The following FAT2 variants were observed in gnomAD, a reference collection of about 807,000 sequenced individuals.
FAT2 encodes the protein FAT atypical cadherin 2.
Under a neutral mutation model 295.3 loss-of-function variants are expected in FAT2, and 150 were observed. The observed-to-expected ratio is 0.51, with a 90% confidence interval of 0.44 to 0.58. The LOEUF (loss-of-function observed/expected upper bound fraction) is 0.58. Among genes scored for constraint, FAT2 ranks in the 20% least tolerant of loss-of-function variants. FAT2 has a pLI of 0.00. For synonymous variants in FAT2, 2,026 were observed against 2,150.3 expected (o/e 0.94, Z 1.60); for missense variants, 4,868 against 5,442.7 (o/e 0.89, Z 3.32).
rs755283867 is a variant in FAT2, at chr5:151,563,496, G to A, written c.3403C>T (p.Pro1135Ser). 6.2e-7 allele frequency: 1 copy of A among 1,614,192 alleles called. No individual in the cohort carries two copies. Among genetic ancestry groups the A allele is most frequent in the South Asian group, 1.1e-5 (1 of 91,078 alleles). The change falls in exon 3 of 24, where the codon CCC (proline) becomes TCC (serine). Residue 1135 changes from proline (P) to serine (S), a missense_variant. Pro to Ser is a moderately conservative substitution (Grantham distance 74). Around this residue, in one of 5 missense-constraint regions of FAT2, gnomAD observed 3,297 missense variants for 3,669.4 expected, o/e 0.90. Transcript: ENST00000261800. ...TAGAACACAGCTTGGGACATCTGGG[G>A]TGGGTTGTCATTGGCATCCGTAACC... is the stretch of plus-strand genomic sequence containing the variant. ...IEVTDANDNP[P>S]QMSQAVFYPS...
intron 20 of FAT2, among the ~76,000 whole-genome samples, chr5:151,515,676 C>G (rs1227018032): frequency 6.6e-6 from 1 of 152,168 alleles, no homozygotes; most frequent in African/African-American, 2.4e-5. Flanking sequence ...GTTGGCTTTG[C>G]CTTCAAAATC....
chr5:151,550,961 TAGCAC>T (rs1757143023), intron 7 of FAT2, 90 bp from the exon 8 acceptor site: 6 of 1,147,058 alleles, frequency 5.2e-6, no homozygotes, highest in Non-Finnish European at 7.5e-6. Context: ...CACCCAGGCC[TAGCAC>T]AGTGCCTGGC....
intron 1 of FAT2, among the ~76,000 whole-genome samples, chr5:151,569,537 C>T (rs760794277): frequency 7.9e-5 from 12 of 152,102 alleles, no homozygotes; most frequent in Non-Finnish European, 1.6e-4. Context: ...CCATATCAGC[C>T]CTGCAACAGA....
At chr5:151,508,750 A>G (rs552173297) in intron 22 of FAT2, among the ~76,000 whole-genome samples, 12 of 151,678 alleles carry the variant, frequency 7.9e-5, no homozygotes, top group Admixed American at 5.3e-4. Context: ...GCATACCCAG[A>G]GTAATCATGG....
At position 151,510,187 on chromosome 5, in the gene FAT2, G is replaced by T. The variant is rs190441226; in HGVS notation, c.11906-13C>A. On this transcript the variant is annotated splice_polypyrimidine_tract_variant and intron_variant, in intron 21 of 23. Coordinates refer to ENST00000261800, the MANE Select transcript of FAT2 (RefSeq NM_001447.3). Reference sequence around the variant, plus strand: ...TTGCAGACATAGCCTAGGAGAAAAAGAAGGGAGGTGAGAGACCGCACTGGC... The same window carrying T: ...TTGCAGACATAGCCTAGGAGAAAAATAAGGGAGGTGAGAGACCGCACTGGC... 234 of 1,600,956 alleles carry T rather than the reference G, an allele frequency of 1.5e-4. 1 individual carries two copies. The East Asian group carries it at 4.6e-3, about 32-fold the overall frequency.
rs768936306 is a variant in FAT2 at position 151,525,842 on chromosome 5, T to C, written c.10432A>G (p.Thr3478Ala). 9 of 1,613,884 alleles carry C rather than the reference T, an allele frequency of 5.6e-6. No individual in the cohort carries two copies. The highest frequency in any genetic ancestry group is 7.6e-6 in the Non-Finnish European group (9 of 1,179,900). The change falls in exon 18 of 24, where the codon ACC becomes GCC. Residue 3478 changes from threonine (T) to alanine (A), a missense_variant. Transcript: ENST00000261800. The part of the protein sequence containing the change: ...KGNNGSAFRV[T>A]PDGWLVTAEG... ...GCAGTCACCAGCCATCCATCCGGGG[T>C]CACTCGGAAGGCAGAGCCGTTGTTC...
chr5:151,592,933 C>A (rs1260436197), upstream of FAT2, among the ~76,000 whole-genome samples: 1 of 152,224 alleles, frequency 6.6e-6, no homozygotes, highest in Non-Finnish European at 1.5e-5. Flanking sequence ...CTGCTGCAGC[C>A]ACTGTGAGTT....
intron 15 of FAT2, among the ~76,000 whole-genome samples, chr5:151,528,920 C>T (rs1258722478): frequency 6.6e-6 from 1 of 152,144 alleles, no homozygotes; most frequent in African/African-American, 2.4e-5. Flanking sequence ...CCTAACAAAC[C>T]TCGCCTATCC....
At position 151,567,885 on chromosome 5, in the gene FAT2, G is replaced by T; in HGVS notation, c.1047C>A (p.Gly349=). ...ACAGTTTGGAAGGTGGTAGGTGAAA[G>T]CCCCTGATCTGGGAATAAAAATAAG... is the stretch of plus-strand genomic sequence containing the variant. The part of the protein sequence containing the change: ...SGPYFYSQIR[G]FHLPPSKLSS... Residue 349 remains glycine, a synonymous_variant, in exon 2 of 24, where the codon GGC becomes GGA. Transcript: ENST00000261800. 1 of 1,614,136 alleles carries T rather than the reference G, an allele frequency of 6.2e-7. No homozygotes were observed. Among genetic ancestry groups the T allele is most frequent in the Non-Finnish European group, 8.5e-7 (1 of 1,180,008 alleles).
intron 23 of FAT2, among the ~76,000 whole-genome samples, chr5:151,506,381 AC>A (rs2127563320): frequency 6.6e-6 from 1 of 152,058 alleles, no homozygotes; most frequent in South Asian, 2.1e-4. Context: ...CATGCAACCC[AC>A]CCCCACAGCT....
chr5:151,578,832 G>A (rs548231839), intron 1 of FAT2, among the ~76,000 whole-genome samples: 14 of 152,314 alleles, frequency 9.2e-5, no homozygotes, highest in African/African-American at 2.9e-4. Context: ...ATATGAACCC[G>A]GAGGGCATTA....
Position 151,529,002 on chromosome 5 carries a change from C to T in FAT2, c.10026+176G>A, listed in dbSNP as rs558500197. On this transcript the variant is annotated intron_variant, in intron 15 of 23. Transcript: ENST00000261800. ...ATTCTCTCAGGAGAGATAGTTTGGCCGAGCATTGTTTGGCCATACTCAAAT... is the reference window on the plus strand; with the variant it reads ...ATTCTCTCAGGAGAGATAGTTTGGCTGAGCATTGTTTGGCCATACTCAAAT... Among the ~76,000 whole-genome samples the T allele has an allele frequency of 2.4e-4, 36 of 152,160 alleles. No individual in the cohort carries two copies. In the South Asian group the frequency reaches 6.2e-3, roughly 26 times the overall value.
Position 151,545,663 on chromosome 5 carries a change from G to A in FAT2, c.5464C>T (p.Leu1822=), listed in dbSNP as rs749649560. The change falls in exon 10 of 24, where the codon CTA becomes TTA. Residue 1822 remains leucine (L), a synonymous_variant. Coordinates refer to ENST00000261800, the MANE Select transcript of FAT2 (RefSeq NM_001447.3). ...TAATCCATCTCTGATACAATGGTTAGGGTTCCCATGCTGGGATCAATTTTG... is the reference window on the plus strand; with the variant it reads ...TAATCCATCTCTGATACAATGGTTAAGGTTCCCATGCTGGGATCAATTTTG... ...FFKIDPSMGT[L]TIVSEMDYES... The A allele has an allele frequency of 2.5e-6, 4 of 1,614,148 alleles. No individual in the cohort carries two copies. The South Asian group carries it at 4.4e-5, about 18-fold the overall frequency.
chr5:151,587,413 T>G (rs908446337), intron 1 of FAT2, among the ~76,000 whole-genome samples: 12 of 152,218 alleles, frequency 7.9e-5, no homozygotes, highest in Non-Finnish European at 1.8e-4. Context: ...CCCACCCAAT[T>G]TATAGGTTCC....
rs372148628 is a variant in FAT2, at chr5:151,531,656, C to T, written c.9742G>A (p.Ala3248Thr). The change falls in exon 14 of 24, where the codon GCA (alanine) becomes ACA (threonine). Residue 3248 changes from alanine to threonine, a missense_variant. Coordinates refer to ENST00000261800, the MANE Select transcript of FAT2 (RefSeq NM_001447.3). This position sits in a 1 kb window ranked among gnomAD's most constrained non-coding sequence, Gnocchi z 5.7. ...ACCACGCGGTAGCCGGTCTTCTCTG[C>T]GCCCGGGCGAGTGAGGGTGGCCAGC... Reference protein sequence around the residue: ...LQLATLTRPGAEKTGYRVVSG... With the variant: ...LQLATLTRPGTEKTGYRVVSG... The T allele has an allele frequency of 6.8e-6, 11 of 1,613,660 alleles. No individual in the cohort carries two copies. Among genetic ancestry groups the T allele is most frequent in the South Asian group, 3.3e-5 (3 of 91,052 alleles).
chr5:151,581,403 G>A (rs1483721268), intron 1 of FAT2, among the ~76,000 whole-genome samples: 1 of 152,142 alleles, frequency 6.6e-6, no homozygotes, highest in East Asian at 1.9e-4. Flanking sequence ...AGAGAGCCCT[G>A]AGCAAATTCC....
Position 151,532,172 on chromosome 5 carries a change from T to C in FAT2, c.9428-202A>G, listed in dbSNP as rs1452508661. Among the ~76,000 whole-genome samples, 4 of 152,190 alleles carry C rather than the reference T, an allele frequency of 2.6e-5. No individual in the cohort carries two copies. In the East Asian group the frequency reaches 7.7e-4, roughly 29 times the overall value. On this transcript the variant is annotated intron_variant, in intron 13 of 23. Coordinates refer to ENST00000261800, the MANE Select transcript of FAT2 (RefSeq NM_001447.3). ...AGACCCAAGGCCTCACTAAAATGCT[T>C]TTGGGGGAACCTAATCTGCAAATCT...
chr5:151,523,433 C>T (rs1322102622), intron 18 of FAT2, among the ~76,000 whole-genome samples: 1 of 152,158 alleles, frequency 6.6e-6, no homozygotes, highest in Non-Finnish European at 1.5e-5. Context: ...AACTGAGGCT[C>T]AAAGAGGTGA....
chr5:151,576,060 C>A (rs1758735791), intron 1 of FAT2, among the ~76,000 whole-genome samples: 1 of 152,158 alleles, frequency 6.6e-6, no homozygotes, highest in African/African-American at 2.4e-5. Flanking sequence ...TGGGTCCACT[C>A]ATCTGTAAGG....
Sources: allele counts gnomAD v4.1 joint callset (sites outside exome capture counted in the v4.1 genomes callset), GRCh38; gene constraint gnomAD v4.1.1; regional missense constraint gnomAD v4.1.1; non-coding constraint Gnocchi (gnomAD v3.1); transcripts MANE v1.5; gene names NCBI Gene and HGNC (gene_info 2026-07-23, HGNC 2026-07-21).